KPNA4: variants seen among roughly 807,000 people sequenced by gnomAD.
The protein encoded by KPNA4 is karyopherin subunit alpha 4.
Under a neutral mutation model 71.3 loss-of-function variants are expected in KPNA4, and 13 were observed. That is an observed-to-expected ratio of 0.18 (90% CI 0.12 to 0.29). KPNA4 has a LOEUF of 0.29. Ranked by LOEUF, KPNA4 falls within the 10% of genes least tolerant of loss-of-function variation. The pLI is 1.00. For synonymous variants in KPNA4, 189 were observed against 195.2 expected (o/e 0.97, Z 0.26); for missense variants, 334 against 603.2 (o/e 0.55, Z 4.67).
intron 5 of KPNA4, 79 bp from the exon 6 acceptor site, chr3:160,531,636 TATTAAC>T: frequency 1.5e-6 from 1 of 686,988 alleles, no homozygotes; most frequent in Non-Finnish European, 2.3e-6. Flanking sequence ...ATTTGACAAA[TATTAAC>T]ATAAATCTGA....
intron 5 of KPNA4, among the ~76,000 whole-genome samples, chr3:160,532,631 A>T (rs534381871): frequency 2.6e-5 from 4 of 152,210 alleles, no homozygotes; most frequent in African/African-American, 9.7e-5. Flanking sequence ...GTGTGGCCTA[A>T]TCATATCTTT....
chr3:160,516,303 A>C (rs1721219720), intron 11 of KPNA4, among the ~76,000 whole-genome samples: 1 of 152,030 alleles, frequency 6.6e-6, no homozygotes, highest in Non-Finnish European at 1.5e-5. Context: ...CAAGAAACCT[A>C]TTCTTTTTGA....
intron 1 of KPNA4, among the ~76,000 whole-genome samples, chr3:160,550,512 ACT>A (rs1479701052): frequency 1.3e-5 from 2 of 152,098 alleles, no homozygotes; most frequent in East Asian, 3.8e-4. Context: ...TGATTCTCCC[ACT>A]GAGGCCTCCT....
chr3:160,528,096 A>C, intron 7 of KPNA4, 57 bp from the exon 8 acceptor site: 1 of 1,359,812 alleles, frequency 7.4e-7, no homozygotes, highest in Non-Finnish European at 1.0e-6. Flanking sequence ...ACCAAAAATC[A>C]ATCTTTATTT....
intron 5 of KPNA4, among the ~76,000 whole-genome samples, chr3:160,533,305 GT>G (rs1444243279): frequency 1.3e-5 from 2 of 152,090 alleles, no homozygotes; most frequent in Non-Finnish European, 2.9e-5. Flanking sequence ...GATTACAGGC[GT>G]TAAGCCACCG....
chr3:160,565,441 C>G lies in KPNA4; in HGVS notation c.-159G>C, dbSNP rs1722331270. On this transcript the variant is annotated 5_prime_UTR_variant, in exon 1 of 17. Coordinates refer to ENST00000334256, the MANE Select transcript of KPNA4 (RefSeq NM_002268.5). ...TCTCACCTGCCTCCGCCGCGGCCTT[C>G]TCCTCTCCCCGCCCGCCCCCCCGCC... The G allele has an allele frequency of 4.4e-5, 27 of 611,664 alleles. 1 individual carries two copies. The South Asian group carries it at 5.2e-4, about 12-fold the overall frequency. 37.9% of individuals were successfully genotyped at this position (611,664 alleles called of 1,614,324 possible).
chr3:160,503,870 T>C (rs769762510), intron 16 of KPNA4, among the ~76,000 whole-genome samples: 5 of 151,992 alleles, frequency 3.3e-5, no homozygotes, highest in African/African-American at 7.3e-5. Context: ...ATTGTTTGAG[T>C]CCAGGAGTTC....
intron 1 of KPNA4, among the ~76,000 whole-genome samples, chr3:160,563,481 C>T (rs1722283803): frequency 6.6e-6 from 1 of 152,230 alleles, no homozygotes; most frequent in East Asian, 1.9e-4. Flanking sequence ...TGCGAATACA[C>T]TAAAAGCCAC....
rs759160787 is a variant in KPNA4 at position 160,514,060 on chromosome 3, T to C, written c.1137+17A>G. 2.8e-6 allele frequency: 4 copies of C among 1,419,414 alleles called. No homozygotes were observed. Among genetic ancestry groups the C allele is most frequent in the East Asian group, 2.4e-5 (1 of 41,408 alleles). The allele number at this position is 1,419,414 out of a possible 1,614,324, so 87.9% of individuals were successfully genotyped here. ...CCTTACATCAGATAAATGATACATA[T>C]AACATGATTTTCTTACCTTATCCAA... On this transcript the variant is annotated intron_variant, in intron 13 of 16. Transcript: ENST00000334256.
At chr3:160,515,057 T>G (rs750456534) in intron 12 of KPNA4, 1 of 519,302 alleles carries the variant, frequency 1.9e-6, no homozygotes, top group Non-Finnish European at 3.8e-6. Flanking sequence ...TGCACTCCAA[T>G]ATCAGCATCA....
At chr3:160,519,765 G>A (rs1172083601) in intron 11 of KPNA4, among the ~76,000 whole-genome samples, 35 of 139,186 alleles carry the variant, frequency 2.5e-4, no homozygotes, top group African/African-American at 9.2e-4. Flanking sequence ...ACTGCAGTCC[G>A]CAGTCCGGCC....
chr3:160,512,052 C>G (rs1044455421), intron 13 of KPNA4, among the ~76,000 whole-genome samples: 1 of 152,138 alleles, frequency 6.6e-6, no homozygotes, highest in African/African-American at 2.4e-5. Context: ...CATCATCTTT[C>G]ACTTTCTACA....
intron 15 of KPNA4, among the ~76,000 whole-genome samples, chr3:160,506,164 CTTTATTTTAT>C (rs1218541600): frequency 6.6e-6 from 1 of 151,614 alleles, no homozygotes; most frequent in South Asian, 2.1e-4. Context: ...CCACTATATA[CTTTATTTTAT>C]TTTATTTTTT....
rs748791357 is a variant in KPNA4 at position 160,527,927 on chromosome 3, A to C, written c.556+26T>G. The C allele has an allele frequency of 5.9e-6, 9 of 1,537,708 alleles. 1 individual carries two copies. In the South Asian group the frequency reaches 9.1e-5, roughly 15 times the overall value. Reference sequence around the variant, plus strand: ...CTTAGTATATGATAACAATTTTTAGACTAGTATTACAAGTTTTATACAAAC... The same window carrying C: ...CTTAGTATATGATAACAATTTTTAGCCTAGTATTACAAGTTTTATACAAAC... On this transcript the variant is annotated intron_variant, in intron 8 of 16. Coordinates refer to ENST00000334256, the MANE Select transcript of KPNA4 (RefSeq NM_002268.5).
Position 160,564,793 on chromosome 3 carries a change from C to G in KPNA4, c.69+421G>C, listed in dbSNP as rs535556242. On this transcript the variant is annotated intron_variant, in intron 1 of 16. Coordinates refer to ENST00000334256, the MANE Select transcript of KPNA4 (RefSeq NM_002268.5). ...CTCACCCTCCCATTCCCACCGCCCT[C>G]CTTCCCGCGGCGCCAGACGTCGGTG... Among the ~76,000 whole-genome samples the G allele has an allele frequency of 4.5e-4, 69 of 152,056 alleles. No individual in the cohort carries two copies. The East Asian group carries it at 0.013, about 29-fold the overall frequency.
intron 1 of KPNA4, among the ~76,000 whole-genome samples, chr3:160,540,686 T>C (rs1165668543): frequency 6.6e-6 from 1 of 152,276 alleles, no homozygotes; most frequent in Non-Finnish European, 1.5e-5. Flanking sequence ...TGAAAATATA[T>C]TAGTTGTGAA....
chr3:160,511,155 G>A (rs1344581168), intron 13 of KPNA4, among the ~76,000 whole-genome samples: 1 of 150,904 alleles, frequency 6.6e-6, no homozygotes, highest in Non-Finnish European at 1.5e-5. Flanking sequence ...ACCCAGGCTG[G>A]AGTGCAGTGG....
chr3:160,522,375 G>A (rs184200291), intron 10 of KPNA4, among the ~76,000 whole-genome samples: 29 of 152,306 alleles, frequency 1.9e-4, no homozygotes, highest in Non-Finnish European at 3.7e-4. Flanking sequence ...TATGCCTAAA[G>A]CCAATAACCC....
intron 1 of KPNA4, among the ~76,000 whole-genome samples, chr3:160,562,533 G>A (rs1722268193): frequency 6.6e-6 from 1 of 152,172 alleles, no homozygotes; most frequent in Non-Finnish European, 1.5e-5. Flanking sequence ...TAAGTGCTTA[G>A]AGAGATAGAC....
Sources: allele counts gnomAD v4.1 joint callset (sites outside exome capture counted in the v4.1 genomes callset), GRCh38; gene constraint gnomAD v4.1.1; transcripts MANE v1.5; gene names NCBI Gene and HGNC (gene_info 2026-07-23, HGNC 2026-07-21).